FRMD3: variants seen among roughly 807,000 people sequenced by gnomAD.
The protein encoded by FRMD3 is FERM domain-containing protein 3.
A neutral mutation model predicts 70.2 loss-of-function variants in FRMD3; 33 were observed. That is an observed-to-expected ratio of 0.47 (90% CI 0.36 to 0.63). The LOEUF is 0.63. Ranked by LOEUF, FRMD3 falls within the 20% of genes least tolerant of loss-of-function variation. FRMD3 has a pLI of 0.00. For missense variants in FRMD3, 632 were observed against 711.4 expected (o/e 0.89, Z 1.27); for synonymous variants, 279 against 255.9 (o/e 1.09, Z -0.86).
chr9:83,278,148 A>C (rs1468095336), intron 13 of FRMD3, among the ~76,000 whole-genome samples: 1 of 152,244 alleles, frequency 6.6e-6, no homozygotes, highest in African/African-American at 2.4e-5. Context: ...CAGCCATACA[A>C]AGACCAGAGA....
rs1324870123 is a variant in FRMD3 at position 83,248,095 on chromosome 9, C to T, written c.1617G>A (p.Leu539=). The change falls in exon 14 of 14, where the codon CTG becomes CTA. Residue 539 remains leucine, a synonymous_variant. Transcript: ENST00000304195. Reference sequence around the variant, plus strand: ...GGAGGAGCAGGGGAAATACAAAGAGCAGCAGTCCCAGGCCCACCACAAGGA... The same window carrying T: ...GGAGGAGCAGGGGAAATACAAAGAGTAGCAGTCCCAGGCCCACCACAAGGA... ...SRLLVVGLGL[L]LFVFPLLLLL... is the part of the protein sequence containing the mutation. The T allele has an allele frequency of 1.2e-6, 2 of 1,614,130 alleles. No homozygotes were observed. The highest frequency in any genetic ancestry group is 1.7e-6 in the Non-Finnish European group (2 of 1,180,018).
rs199702152 is a variant in FRMD3, at chr9:83,538,177, G to A, written c.55C>T (p.His19Tyr). ...GATTTGACGCTGGAGCTCCGAAAGT[G>A]GATCATTTTCATGGTCCTCCTGCCT... ...PRGRRTMKMIHFRSSSVKSLS... is the reference protein window; with the variant it reads ...PRGRRTMKMIYFRSSSVKSLS... The change falls in exon 1 of 14, where the codon CAC becomes TAC. Residue 19 changes from histidine (H) to tyrosine (Y), a missense_variant. This residue lies in a region of FRMD3 where 208 missense variants were observed against 247.7 expected (regional missense o/e 0.84). Transcript: ENST00000304195. The surrounding 1 kb of genome is among the most constrained non-coding windows in gnomAD (Gnocchi z 4.7). 6.1e-5 allele frequency: 98 copies of A among 1,610,134 alleles called. No individual in the cohort carries two copies. Among genetic ancestry groups the A allele is most frequent in the Non-Finnish European group, 4.8e-5 (56 of 1,178,202 alleles).
intron 13 of FRMD3, among the ~76,000 whole-genome samples, chr9:83,252,220 C>T (rs1395500479): frequency 6.7e-6 from 1 of 149,604 alleles, no homozygotes; most frequent in African/African-American, 2.6e-5. Context: ...CAATATTCAA[C>T]ATTCTTAAAG....
chr9:83,341,586 T>C (rs906815977), intron 5 of FRMD3, among the ~76,000 whole-genome samples: 2 of 152,112 alleles, frequency 1.3e-5, no homozygotes, highest in Non-Finnish European at 2.9e-5. Context: ...AAGGGAACTA[T>C]GGGATTTACA....
chr9:83,265,136 C>T (rs1457659846), intron 13 of FRMD3, among the ~76,000 whole-genome samples: 2 of 152,098 alleles, frequency 1.3e-5, no homozygotes, highest in Non-Finnish European at 2.9e-5. Context: ...TGCGGTGGCT[C>T]ATGCCTGTAA....
chr9:83,477,042 A>T (rs1828417060), intron 1 of FRMD3, among the ~76,000 whole-genome samples: 1 of 152,206 alleles, frequency 6.6e-6, no homozygotes, highest in Non-Finnish European at 1.5e-5. Flanking sequence ...GATGAATAAA[A>T]CAATAAGTAA....
At chr9:83,347,336 C>T (rs1823996212) in intron 4 of FRMD3, among the ~76,000 whole-genome samples, 1 of 152,132 alleles carries the variant, frequency 6.6e-6, no homozygotes, top group Non-Finnish European at 1.5e-5. Context: ...AATGCATCTC[C>T]CTTTAGTGTC....
At position 83,357,290 on chromosome 9, in the gene FRMD3, T is replaced by A. The variant is rs867942937; in HGVS notation, c.296-7533A>T. On this transcript the variant is annotated intron_variant, in intron 3 of 13. Transcript: ENST00000304195. ...ATATATATATATATATATATATATA[T>A]ATATATAAAACATTTTCTTTATCCA... 9.1e-4 allele frequency among the ~76,000 whole-genome samples: 77 copies of A among 84,828 alleles called. 2 individuals carry two copies. The highest frequency in any genetic ancestry group is 2.9e-3 in the African/African-American group (67 of 23,204). 55.7% of individuals were successfully genotyped at this position (84,828 alleles called of 152,430 possible). A position where few individuals can be genotyped will look rare whatever the true frequency, so the allele number is the denominator to read the frequency against.
intron 6 of FRMD3, among the ~76,000 whole-genome samples, chr9:83,323,106 T>C (rs1218107282): frequency 6.6e-6 from 1 of 152,230 alleles, no homozygotes; most frequent in Non-Finnish European, 1.5e-5. Flanking sequence ...GGAACTAATC[T>C]GGAAAACTCT....
chr9:83,501,229 G>A (rs933039967), intron 1 of FRMD3, among the ~76,000 whole-genome samples: 11 of 152,104 alleles, frequency 7.2e-5, no homozygotes, highest in African/African-American at 2.7e-4. Context: ...GGGAGGCGGA[G>A]CTTGCAGTGA....
chr9:83,569,327 T>C, the FRMD3 span, among the ~76,000 whole-genome samples: 1 of 152,188 alleles, frequency 6.6e-6, no homozygotes, highest in Non-Finnish European at 1.5e-5. Context: ...AAAACTTCAA[T>C]AACATTGGAA....
In FRMD3 at chr9:83,246,548, A is replaced by G. The variant is rs1005686261; in HGVS notation, c.*1370T>C. The G allele has an allele frequency of 1.1e-5, 11 of 984,866 alleles. No homozygotes were observed. The Admixed American group carries it at 3.7e-4, about 33-fold the overall frequency. 61.0% of individuals were successfully genotyped at this position (984,866 alleles called of 1,614,324 possible). A position where few individuals can be genotyped will look rare whatever the true frequency, so the allele number is the denominator to read the frequency against. ...CTCATGAGGCCTCTCCAGTTTCTCT[A>G]TGGAAGTCAAATTTTAAAACAACTG... On this transcript the variant is annotated 3_prime_UTR_variant, in exon 14 of 14. Transcript: ENST00000304195.
chr9:83,298,235 G>C (rs1486315163), intron 12 of FRMD3, among the ~76,000 whole-genome samples: 1 of 152,210 alleles, frequency 6.6e-6, no homozygotes, highest in Non-Finnish European at 1.5e-5. Flanking sequence ...AACATGGCAA[G>C]AGAATATTTA....
chr9:83,560,089 C>A, the FRMD3 span, among the ~76,000 whole-genome samples: 1 of 152,160 alleles, frequency 6.6e-6, no homozygotes, highest in African/African-American at 2.4e-5. Context: ...AATACATTAT[C>A]CTCTTCATTC....
chr9:83,399,186 T>A (rs1444699859), intron 1 of FRMD3, among the ~76,000 whole-genome samples: 1 of 152,262 alleles, frequency 6.6e-6, no homozygotes, highest in African/African-American at 2.4e-5. Context: ...GTTTTTCATC[T>A]GAATCCTAAA....
chr9:83,507,108 C>T (rs1240748643), intron 1 of FRMD3, among the ~76,000 whole-genome samples: 1 of 152,266 alleles, frequency 6.6e-6, no homozygotes, highest in Non-Finnish European at 1.5e-5. Context: ...CACCTGTAAT[C>T]CCAGCACTTT....
At chr9:83,339,305 A>T (rs1486035175) in intron 5 of FRMD3, among the ~76,000 whole-genome samples, 3 of 152,136 alleles carry the variant, frequency 2.0e-5, no homozygotes, top group African/African-American at 4.8e-5. Context: ...CAGGTTTTTT[A>T]AAATGAATAA....
At chr9:83,421,086 G>A (rs1359678827) in intron 1 of FRMD3, among the ~76,000 whole-genome samples, 4 of 151,120 alleles carry the variant, frequency 2.6e-5, no homozygotes, top group African/African-American at 9.7e-5. Flanking sequence ...GACTACAGGC[G>A]CCCGCCACCA....
chr9:83,248,360 G>A lies in FRMD3; in HGVS notation c.1352C>T (p.Ala451Val), dbSNP rs1182011277. ...ATCCACAGGGGTGGGGAGCAGGCTG[G>A]CACTTGGGTTGTACACTAGTTCAGA... ...TISELVYNPS[A>V]SLLPTPVDDD... is the part of the protein sequence containing the mutation. Residue 451 changes from alanine (A) to valine (V), a missense_variant, in exon 14 of 14, where the codon GCC becomes GTC. By Grantham distance (64) the Ala-to-Val change is moderately conservative (BLOSUM62 0). Around this residue, in one of 3 missense-constraint regions of FRMD3, gnomAD observed 418 missense variants for 442.1 expected, o/e 0.95. Coordinates refer to ENST00000304195, the MANE Select transcript of FRMD3 (RefSeq NM_174938.6). 1.2e-6 allele frequency: 2 copies of A among 1,614,088 alleles called. No individual in the cohort carries two copies. The highest frequency in any genetic ancestry group is 3.3e-5 in the Admixed American group (2 of 60,006).
Sources: gnomAD v4.1 joint callset for allele counts (sites outside exome capture counted in the v4.1 genomes callset) on GRCh38, gnomAD v4.1.1 for gene constraint, gnomAD v4.1.1 regional missense constraint, Gnocchi (gnomAD v3.1) non-coding constraint, MANE v1.5 for transcripts, NCBI Gene and HGNC (gene_info 2026-07-23, HGNC 2026-07-21) for gene names.